SLIT1: variants seen among roughly 807,000 people sequenced by gnomAD.
SLIT1 encodes slit homolog 1 protein.
In SLIT1, 66 loss-of-function variants were observed where a neutral mutation model predicts 186.1. The observed-to-expected ratio is 0.35, with a 90% CI of 0.29 to 0.44. SLIT1 has a LOEUF of 0.44. Among genes scored for constraint, SLIT1 ranks in the 20% least tolerant of loss-of-function variants. SLIT1 has a pLI of 1.00. For missense variants in SLIT1, 1,638 were observed against 2,037.4 expected, an observed-to-expected ratio of 0.80 and a Z score of 3.77; for synonymous variants, 761 against 833.8, an observed-to-expected ratio of 0.91 and a Z score of 1.50.
intron 4 of SLIT1, among the ~76,000 whole-genome samples, chr10:97,134,452 C>T (rs540429702): frequency 1.9e-4 from 29 of 152,320 alleles, no homozygotes; most frequent in South Asian, 6.2e-4. Context: ...GGCCTGTTCT[C>T]TCTGCGCCCC....
intron 4 of SLIT1, among the ~76,000 whole-genome samples, chr10:97,134,912 C>T (rs1849687846): frequency 6.6e-6 from 1 of 152,174 alleles, no homozygotes; most frequent in Non-Finnish European, 1.5e-5. Flanking sequence ...CTGGGCAAGT[C>T]ACCAAATGAG....
At chr10:97,100,374 A>G (rs1849338404) in intron 4 of SLIT1, among the ~76,000 whole-genome samples, 1 of 152,190 alleles carries the variant, frequency 6.6e-6, no homozygotes, top group Non-Finnish European at 1.5e-5. Context: ...CTGTAATCTC[A>G]ACACTTTGGG....
chr10:97,092,526 C>A (rs1849243254), intron 4 of SLIT1, among the ~76,000 whole-genome samples: 1 of 152,220 alleles, frequency 6.6e-6, no homozygotes, highest in Admixed American at 6.5e-5. Flanking sequence ...ACCTATATAC[C>A]TACATGAATG....
chr10:97,176,445 A>G (rs1850257277), intron 1 of SLIT1, among the ~76,000 whole-genome samples: 1 of 151,748 alleles, frequency 6.6e-6, no homozygotes, highest in South Asian at 2.1e-4. Flanking sequence ...TCCCTCCCCA[A>G]GAGACTCCAG....
At chr10:97,063,750 G>A (rs1848916692) in intron 7 of SLIT1, 132 bp from the exon 8 acceptor site, 6 of 995,640 alleles carry the variant, frequency 6.0e-6, no homozygotes, top group Non-Finnish European at 8.8e-6. Context: ...ATTTAGTCAA[G>A]TAGACGGCTC....
intron 1 of SLIT1, among the ~76,000 whole-genome samples, chr10:97,175,419 A>C (rs1850242565): frequency 6.6e-6 from 1 of 152,094 alleles, no homozygotes; most frequent in Admixed American, 6.5e-5. Flanking sequence ...TTGAAGTGAA[A>C]TTGCTGGGTC....
chr10:97,026,073 CTGATT>C (rs1366907644), intron 25 of SLIT1, among the ~76,000 whole-genome samples: 59 of 152,326 alleles, frequency 3.9e-4, no homozygotes, highest in Non-Finnish European at 6.0e-4. Flanking sequence ...ATAAATGCAA[CTGATT>C]TGATTTTAGT....
intron 18 of SLIT1, among the ~76,000 whole-genome samples, chr10:97,044,131 G>A (rs1258060440): frequency 6.6e-6 from 1 of 152,238 alleles, no homozygotes; most frequent in Admixed American, 6.5e-5. Context: ...GCCTGATGCA[G>A]TGGCTCATGC....
At chr10:97,107,366 A>C (rs1007834563) in intron 4 of SLIT1, among the ~76,000 whole-genome samples, 2 of 152,048 alleles carry the variant, frequency 1.3e-5, no homozygotes, top group African/African-American at 4.8e-5. Flanking sequence ...TAAAACCCTC[A>C]TCTCATCTCT....
chr10:97,184,702 C>G lies in SLIT1; in HGVS notation c.197+776G>C, dbSNP rs961914811. Among the ~76,000 whole-genome samples the G allele has an allele frequency of 2.0e-5, 3 of 152,248 alleles. No homozygotes were observed. Among genetic ancestry groups the G allele is most frequent in the Admixed American group, 6.5e-5 (1 of 15,290 alleles). ...GAAGAGAAATGCTATTTTTTTATTACTTGTCATGGTCAATATCTTTAACCT... is the reference window on the plus strand; with the variant it reads ...GAAGAGAAATGCTATTTTTTTATTAGTTGTCATGGTCAATATCTTTAACCT... On this transcript the variant is annotated intron_variant, in intron 1 of 36. Transcript: ENST00000266058. The surrounding 1 kb of genome is among the most constrained non-coding windows in gnomAD (Gnocchi z 4.4).
chr10:97,039,530 G>A (rs370954745), intron 21 of SLIT1, among the ~76,000 whole-genome samples: 27 of 152,248 alleles, frequency 1.8e-4, no homozygotes, highest in African/African-American at 6.3e-4. Flanking sequence ...TCAGTGAGGG[G>A]GTGTTAGCAC....
intron 7 of SLIT1, among the ~76,000 whole-genome samples, 175 bp downstream of exon 7, chr10:97,063,993 G>A (rs1010895187): frequency 8.5e-5 from 13 of 152,062 alleles, no homozygotes; most frequent in African/African-American, 3.1e-4. Flanking sequence ...CCCTGCAACC[G>A]TATAACTCCT....
intron 4 of SLIT1, among the ~76,000 whole-genome samples, chr10:97,152,655 C>T (rs1309027353): frequency 1.3e-5 from 2 of 152,222 alleles, no homozygotes; most frequent in African/African-American, 4.8e-5. Context: ...AGGCTTTTCA[C>T]TTCTTATTTA....
chr10:97,138,513 G>A (rs188795056), intron 4 of SLIT1, among the ~76,000 whole-genome samples: 1 of 152,380 alleles, frequency 6.6e-6, no homozygotes, highest in African/African-American at 2.4e-5. Flanking sequence ...TGTCCAGCTG[G>A]CTGGGAAAGA....
At chr10:97,059,990 G>A (rs1043507002) in intron 10 of SLIT1, 97 bp downstream of exon 10, 7 of 1,042,960 alleles carry the variant, frequency 6.7e-6, no homozygotes, top group Non-Finnish European at 1.1e-5. Context: ...ACTCAGCTGT[G>A]GGGGGCTGAG....
At chr10:97,058,900 T>C (rs570494323) in intron 11 of SLIT1, among the ~76,000 whole-genome samples, 1 of 152,164 alleles carries the variant, frequency 6.6e-6, no homozygotes, top group Non-Finnish European at 1.5e-5. Context: ...CTTCACTACC[T>C]TTTGTATGTT....
intron 31 of SLIT1, among the ~76,000 whole-genome samples, chr10:97,007,688 A>G (rs549455427): frequency 6.6e-6 from 1 of 152,324 alleles, no homozygotes; most frequent in East Asian, 1.9e-4. Flanking sequence ...AAAAGCAAAA[A>G]AAAAAAGTTC....
chr10:97,171,013 T>C (rs1033208844), intron 1 of SLIT1, among the ~76,000 whole-genome samples: 1 of 152,016 alleles, frequency 6.6e-6, no homozygotes, highest in Admixed American at 6.6e-5. Context: ...TCATCACAGC[T>C]TGCGGTGGAT....
rs373799421 is a variant in SLIT1, at chr10:97,029,888, G to A, written c.2582+869C>T. 5.9e-5 allele frequency among the ~76,000 whole-genome samples: 9 copies of A among 152,058 alleles called. No individual in the cohort carries two copies. In the South Asian group the frequency reaches 6.2e-4, roughly 11 times the overall value. ...ATATATACTGAATCATACAATATTC[G>A]TCCTCTTGTGTCTGGCTTATTTCAC... On this transcript the variant is annotated intron_variant, in intron 25 of 36. Transcript: ENST00000266058.
Sources: allele counts gnomAD v4.1 joint callset (sites outside exome capture counted in the v4.1 genomes callset), GRCh38; gene constraint gnomAD v4.1.1; non-coding constraint Gnocchi (gnomAD v3.1); transcripts MANE v1.5; gene names NCBI Gene and HGNC (gene_info 2026-07-23, HGNC 2026-07-21).